The following ABCB1 variants were observed in gnomAD, a reference collection of about 807,000 sequenced individuals.
ABCB1 encodes ATP binding cassette subfamily B member 1.
ABCB1 carries 69 observed loss-of-function variants against 142.0 expected under a neutral mutation model. That is an observed-to-expected ratio of 0.49 (90% CI 0.40 to 0.59). The LOEUF (loss-of-function observed/expected upper bound fraction) is 0.59. Among genes scored for constraint, ABCB1 ranks in the 20% least tolerant of loss-of-function variants. The probability of loss-of-function intolerance (pLI) is 0.00; values close to 1 mark genes in which losing one functional copy is unlikely to be tolerated. For synonymous variants in ABCB1, 532 were observed against 539.2 expected, an observed-to-expected ratio of 0.99 and a Z score of 0.18; for missense variants, 1,326 against 1,554.7, an observed-to-expected ratio of 0.85 and a Z score of 2.47.
intron 1 of ABCB1, among the ~76,000 whole-genome samples, chr7:87,615,611 G>A (rs911881261): frequency 6.6e-6 from 1 of 152,200 alleles, no homozygotes; most frequent in African/African-American, 2.4e-5. Context: ...CCAGGGGAGT[G>A]TAATAGTGGG....
At chr7:87,557,333 T>G (rs966127018) in intron 8 of ABCB1, among the ~76,000 whole-genome samples, 5 of 152,188 alleles carry the variant, frequency 3.3e-5, no homozygotes, top group African/African-American at 1.2e-4. Context: ...AAGGAAAACC[T>G]AGAACCTAGC....
At chr7:87,602,470 A>G, upstream of ABCB1, among the ~76,000 whole-genome samples, 1 of 152,128 alleles carries the variant, frequency 6.6e-6, no homozygotes, top group South Asian at 2.1e-4. Flanking sequence ...TCTTCATTAC[A>G]TGCGTTTTTA....
At chr7:87,554,064 T>C in intron 8 of ABCB1, 132 bp from the exon 9 acceptor site, 1 of 791,632 alleles carries the variant, frequency 1.3e-6, no homozygotes. Flanking sequence ...GCTCATACAT[T>C]GACCCTATAT....
chr7:87,667,199 C>T (rs144501643), intron 1 of ABCB1, among the ~76,000 whole-genome samples: 120 of 152,134 alleles, frequency 7.9e-4, no homozygotes, highest in African/African-American at 2.7e-3. Context: ...AGAGATTTTT[C>T]ACCTCCCTGG....
At chr7:87,628,099 C>T (rs1223557835) in intron 1 of ABCB1, among the ~76,000 whole-genome samples, 1 of 152,190 alleles carries the variant, frequency 6.6e-6, no homozygotes, top group African/African-American at 2.4e-5. Context: ...TAGGTATCAG[C>T]CGTTAAAGCT....
At chr7:87,602,292 C>CTT (rs59849542), upstream of ABCB1, among the ~76,000 whole-genome samples, 1,948 of 92,022 alleles carry the variant, frequency 0.021, 61 homozygotes, top group African/African-American at 0.052. Context: ...AGCTCGGCCT[C>CTT]TTTTTTTTTT....
At chr7:87,639,062 G>A (rs915196835) in intron 1 of ABCB1, among the ~76,000 whole-genome samples, 3 of 143,218 alleles carry the variant, frequency 2.1e-5, no homozygotes, top group African/African-American at 7.8e-5. Flanking sequence ...TGAGGCAGGA[G>A]AATGGTGTAA....
At chr7:87,521,820 C>A in intron 21 of ABCB1, 2 of 777,108 alleles carry the variant, frequency 2.6e-6, no homozygotes, top group Non-Finnish European at 2.3e-6. Context: ...AAGAACATCA[C>A]CTAGGAGATT....
intron 1 of ABCB1, among the ~76,000 whole-genome samples, chr7:87,703,327 A>T (rs1268041069): frequency 1.3e-5 from 2 of 152,104 alleles, no homozygotes; most frequent in Non-Finnish European, 2.9e-5. Flanking sequence ...TTTTGTAAGC[A>T]CGAACTGAGT....
chr7:87,566,861 A>C lies in ABCB1; in HGVS notation c.454T>G (p.Phe152Val), dbSNP rs199924747. The change falls in exon 6 of 28, where the codon TTT becomes GTT. Residue 152 changes from phenylalanine to valine, a missense_variant. Coordinates refer to ENST00000622132, the MANE Select transcript of ABCB1 (RefSeq NM_001348946.2). ...ATCTCCTGTCGCATTATAGCATGAAAAAACTGTTTTCTAATTTTGTGTATT... is the reference window on the plus strand; with the variant it reads ...ATCTCCTGTCGCATTATAGCATGAACAAACTGTTTTCTAATTTTGTGTATT... ...RQIHKIRKQF[F>V]HAIMRQEIGW... 3.1e-6 allele frequency: 5 copies of C among 1,614,096 alleles called. No individual in the cohort carries two copies. The African/African-American group carries it at 5.3e-5, about 17-fold the overall frequency.
At chr7:87,665,652 T>C (rs1029985600) in intron 1 of ABCB1, among the ~76,000 whole-genome samples, 2 of 152,134 alleles carry the variant, frequency 1.3e-5, no homozygotes, top group African/African-American at 4.8e-5. Flanking sequence ...GTAATGAGCA[T>C]AGTACGTGAA....
At position 87,517,320 on chromosome 7, in the gene ABCB1, C is replaced by T. The variant is rs530841464; in HGVS notation, c.2928-655G>A. Among the ~76,000 whole-genome samples the T allele has an allele frequency of 4.9e-4, 74 of 152,144 alleles. 2 individuals are homozygous for T. In the South Asian group the frequency reaches 9.4e-3, roughly 19 times the overall value. ...AGTTCCAAGCCTATGACTCAGGGGGCCTTATATGCTTTGTGAGCATGCATG... is the reference window on the plus strand; with the variant it reads ...AGTTCCAAGCCTATGACTCAGGGGGTCTTATATGCTTTGTGAGCATGCATG... On this transcript the variant is annotated intron_variant, in intron 23 of 27. Transcript: ENST00000622132.
At chr7:87,511,205 A>G (rs1229774333) in intron 25 of ABCB1, among the ~76,000 whole-genome samples, 3 of 152,220 alleles carry the variant, frequency 2.0e-5, no homozygotes, top group African/African-American at 7.2e-5. Flanking sequence ...ACAAGTTTAG[A>G]TGCCTAGAAT....
intron 2 of ABCB1, 68 bp downstream of exon 2, chr7:87,600,049 G>T: frequency 7.3e-7 from 1 of 1,371,556 alleles, no homozygotes. Context: ...TTTCAGAGCT[G>T]GAGGCTAGAA....
chr7:87,593,840 C>G (rs1819089831), intron 3 of ABCB1, among the ~76,000 whole-genome samples: 1 of 152,158 alleles, frequency 6.6e-6, no homozygotes, highest in Non-Finnish European at 1.5e-5. Flanking sequence ...GAGCTTGCAC[C>G]TGGTTTCTTC....
chr7:87,672,704 T>C (rs1825951733), intron 1 of ABCB1, among the ~76,000 whole-genome samples: 1 of 152,124 alleles, frequency 6.6e-6, no homozygotes, highest in African/African-American at 2.4e-5. Context: ...GTGGAATGGG[T>C]TCACAAGGAG....
At chr7:87,695,905 G>C (rs1828455593) in intron 1 of ABCB1, among the ~76,000 whole-genome samples, 1 of 151,998 alleles carries the variant, frequency 6.6e-6, no homozygotes, top group Admixed American at 6.6e-5. Context: ...AGTAACATTG[G>C]ACCCTAGAGA....
chr7:87,561,897 G>A (rs1563053465), intron 7 of ABCB1, among the ~76,000 whole-genome samples: 1 of 152,112 alleles, frequency 6.6e-6, no homozygotes, highest in East Asian at 1.9e-4. Context: ...GAGGTGGGAG[G>A]ATCGTTTGAG....
intron 4 of ABCB1, among the ~76,000 whole-genome samples, chr7:87,576,158 CT>C (rs199634434): frequency 1.7e-3 from 262 of 149,720 alleles, no homozygotes; most frequent in African/African-American, 5.7e-3. Context: ...GTATATTGAT[CT>C]TTTTTTTTTT....
Sources: allele counts gnomAD v4.1 joint callset (sites outside exome capture counted in the v4.1 genomes callset), GRCh38; gene constraint gnomAD v4.1.1; transcripts MANE v1.5; gene names NCBI Gene and HGNC (gene_info 2026-07-23, HGNC 2026-07-21).